HNF4G: variants seen among roughly 807,000 people sequenced by gnomAD.
HNF4G encodes the protein hepatocyte nuclear factor 4-gamma.
Under a neutral mutation model 50.9 loss-of-function variants are expected in HNF4G, and 21 were observed. The observed-to-expected ratio is 0.41, with a 90% CI of 0.29 to 0.59. The LOEUF (loss-of-function observed/expected upper bound fraction) is 0.59. Among genes scored for constraint, HNF4G ranks in the 20% least tolerant of loss-of-function variants. The pLI is 0.26. For synonymous variants in HNF4G, 198 were observed against 185.6 expected, an observed-to-expected ratio of 1.07 and a Z score of -0.54; for missense variants, 527 against 559.4, an observed-to-expected ratio of 0.94 and a Z score of 0.58.
intron 2 of HNF4G, among the ~76,000 whole-genome samples, chr8:75,517,464 G>A (rs114884842): frequency 0.019 from 2,849 of 152,218 alleles, 89 homozygotes; most frequent in East Asian, 0.14. Flanking sequence ...ACATACGATG[G>A]GGGTACAGGC....
At chr8:75,551,573 G>T in intron 4 of HNF4G, 79 bp downstream of exon 4, 8 of 842,392 alleles carry the variant, frequency 9.5e-6, no homozygotes, top group Non-Finnish European at 1.6e-5. Context: ...AATAATCTAA[G>T]TTTTTTCAAA....
chr8:75,410,696 A>C (rs1156928468), intron 1 of HNF4G, among the ~76,000 whole-genome samples: 1 of 152,194 alleles, frequency 6.6e-6, no homozygotes, highest in Non-Finnish European at 1.5e-5. Flanking sequence ...CCCCTAGGGC[A>C]AAAGTATGAT....
intron 2 of HNF4G, among the ~76,000 whole-genome samples, chr8:75,493,277 T>C (rs1036052720): frequency 6.6e-6 from 1 of 151,982 alleles, no homozygotes; most frequent in African/African-American, 2.4e-5. Flanking sequence ...CTGTACTGAG[T>C]AGATTGAGTT....
chr8:75,558,311 T>TGATC (rs1403077282), intron 6 of HNF4G, among the ~76,000 whole-genome samples: 1 of 152,228 alleles, frequency 6.6e-6, no homozygotes, highest in East Asian at 1.9e-4. Context: ...AAAATGCATG[T>TGATC]GATCACATTA....
intron 4 of HNF4G, among the ~76,000 whole-genome samples, chr8:75,552,673 A>G (rs1806992842): frequency 6.6e-6 from 1 of 152,154 alleles, no homozygotes; most frequent in South Asian, 2.1e-4. Flanking sequence ...TCAAAATAAA[A>G]TCAAAGAGCA....
intron 2 of HNF4G, among the ~76,000 whole-genome samples, chr8:75,490,733 GA>G (rs1479184111): frequency 1.3e-5 from 2 of 151,986 alleles, no homozygotes; most frequent in African/African-American, 2.4e-5. Flanking sequence ...ATTTTCTGAA[GA>G]ATTTTTAAAA....
At chr8:75,480,779 C>CGGCTCACTGCA (rs1812359289) in intron 1 of HNF4G, among the ~76,000 whole-genome samples, 2 of 145,878 alleles carry the variant, frequency 1.4e-5, no homozygotes, top group Non-Finnish European at 3.0e-5. Flanking sequence ...GGCGTGATCT[C>CGGCTCACTGCA]GGCTCACTGC....
At chr8:75,477,808 AAAT>A (rs1479745159) in intron 1 of HNF4G, among the ~76,000 whole-genome samples, 2 of 152,006 alleles carry the variant, frequency 1.3e-5, no homozygotes, top group East Asian at 3.9e-4. Context: ...TCTCTACTAA[AAAT>A]ACAAAATTAG....
chr8:75,475,972 G>A (rs143607214), intron 1 of HNF4G, among the ~76,000 whole-genome samples: 21 of 152,044 alleles, frequency 1.4e-4, no homozygotes, highest in South Asian at 4.2e-4. Context: ...AATTTGGGGC[G>A]TACACATGCA....
intron 2 of HNF4G, among the ~76,000 whole-genome samples, chr8:75,499,731 A>T (rs1166522496): frequency 6.6e-6 from 1 of 152,016 alleles, no homozygotes; most frequent in Non-Finnish European, 1.5e-5. Context: ...TGGGGGGAAA[A>T]ACTCATATAT....
intron 1 of HNF4G, among the ~76,000 whole-genome samples, chr8:75,438,823 TA>T (rs1475479653): frequency 2.6e-5 from 4 of 152,136 alleles, no homozygotes; most frequent in African/African-American, 9.7e-5. Context: ...TTCTTTTTCA[TA>T]AAGATTAGCA....
In HNF4G at chr8:75,488,632, T is replaced by C. The variant is rs541884481; in HGVS notation, c.-143-1457T>C. Reference sequence around the variant, plus strand: ...AACAATACAATCTTTCTTAGGACTTTAAAGCATTAGAGACTTTAGGGATTA... The same window carrying C: ...AACAATACAATCTTTCTTAGGACTTCAAAGCATTAGAGACTTTAGGGATTA... On this transcript the variant is annotated intron_variant, in intron 1 of 10. Coordinates refer to the HNF4G transcript ENST00000354370. Among the ~76,000 whole-genome samples, 244 of 152,260 alleles carry C rather than the reference T, an allele frequency of 1.6e-3. 1 individual carries two copies. The highest frequency in any genetic ancestry group is 4.5e-3 in the African/African-American group (186 of 41,550).
At chr8:75,459,987 G>GAA (rs1811806810) in intron 1 of HNF4G, among the ~76,000 whole-genome samples, 3 of 151,844 alleles carry the variant, frequency 2.0e-5, no homozygotes, top group Non-Finnish European at 2.9e-5. Flanking sequence ...ATGAGAATTT[G>GAA]CCTAGTTGTG....
At chr8:75,547,708 C>T in intron 3 of HNF4G, 27 bp downstream of exon 3, 1 of 1,317,232 alleles carries the variant, frequency 7.6e-7, no homozygotes, top group Non-Finnish European at 1.1e-6. Context: ...TGATAATTAA[C>T]ATTATTGATG....
Position 75,555,963 on chromosome 8 carries a change from CT to C in HNF4G, c.646-18del. On this transcript the variant is annotated intron_variant, in intron 5 of 9. Transcript: ENST00000396423. ...TTATATATTATAATTAATTGTTAAA[CT>C]GAGAATTTTTCATTAAGGTGGCACT... 1 of 1,381,798 alleles carries C rather than the reference CT, an allele frequency of 7.2e-7. No homozygotes were observed. The highest frequency in any genetic ancestry group is 1.5e-5 in the South Asian group (1 of 68,034). 85.6% of individuals were successfully genotyped at this position (1,381,798 alleles called of 1,614,324 possible). A position where few individuals can be genotyped will look rare whatever the true frequency, so the allele number is the denominator to read the frequency against.
At chr8:75,454,025 T>TTCTC (rs58676228) in intron 1 of HNF4G, among the ~76,000 whole-genome samples, 390 of 133,890 alleles carry the variant, frequency 2.9e-3, no homozygotes, top group South Asian at 0.01. Context: ...AAGAAGAAAT[T>TTCTC]TCTCTCTCTC....
Position 75,551,476 on chromosome 8 carries a change from T to G in HNF4G, c.471T>G (p.Ala157=), listed in dbSNP as rs767690178. 1 of 1,609,838 alleles carries G rather than the reference T, an allele frequency of 6.2e-7. No individual in the cohort carries two copies. The highest frequency in any genetic ancestry group is 8.5e-7 in the Non-Finnish European group (1 of 1,176,308). Residue 157 remains alanine, a synonymous_variant, in exon 4 of 10, where the codon GCT becomes GCG. Transcript: ENST00000396423. ...NIPSINTLAQ[A]EVRSRQISVS... is the part of the protein sequence containing the mutation. Reference sequence around the variant, plus strand: ...CCTCCATTAACACACTGGCACAAGCTGAAGTTCGGTCTCGCCAGGTACCTG... The same window carrying G: ...CCTCCATTAACACACTGGCACAAGCGGAAGTTCGGTCTCGCCAGGTACCTG...
intron 8 of HNF4G, among the ~76,000 whole-genome samples, chr8:75,559,325 G>C (rs1286688595): frequency 6.6e-6 from 1 of 150,684 alleles, no homozygotes; most frequent in Non-Finnish European, 1.5e-5. Flanking sequence ...CCAGGCTGGA[G>C]CACAGTGGCA....
At chr8:75,467,546 A>G (rs1483357312) in intron 1 of HNF4G, among the ~76,000 whole-genome samples, 3 of 151,994 alleles carry the variant, frequency 2.0e-5, no homozygotes, top group Non-Finnish European at 2.9e-5. Flanking sequence ...TGTAGTCCCA[A>G]CTACTGGGGA....
Sources: gnomAD v4.1 joint callset for allele counts (sites outside exome capture counted in the v4.1 genomes callset) on GRCh38, gnomAD v4.1.1 for gene constraint, MANE v1.5 for transcripts, NCBI Gene and HGNC (gene_info 2026-07-23, HGNC 2026-07-21) for gene names.